The following KAT6A variants were observed in gnomAD, a reference collection of about 807,000 sequenced individuals.
The protein encoded by KAT6A is lysine acetyltransferase 6A, also known as histone acetyltransferase KAT6A.
Under a neutral mutation model 198.4 loss-of-function variants are expected in KAT6A, and 9 were observed. That is an observed-to-expected ratio of 0.05 (90% CI 0.03 to 0.08). The LOEUF is 0.08. KAT6A is among the 10% of genes least tolerant of loss of function. The probability of loss-of-function intolerance (pLI) is 1.00; values close to 1 mark genes in which losing one functional copy is unlikely to be tolerated. For missense variants in KAT6A, 2,077 were observed against 2,509.9 expected, an observed-to-expected ratio of 0.83 and a Z score of 3.69; for synonymous variants, 890 against 883.0, an observed-to-expected ratio of 1.01 and a Z score of -0.14.
Position 41,942,843 on chromosome 8 carries a change from C to T in KAT6A, c.2386G>A (p.Glu796Lys). The change falls in exon 14 of 17, where the codon GAA becomes AAA. Residue 796 changes from glutamate to lysine, a missense_variant. Transcript: ENST00000265713. ...CACTGTGGCTCTTCGTTTTCTCCTT[C>T]CTCAGCCTCCTCTTCTTCCTCCTCT... ...VSEEEEEEAE[E>K]GENEEPQCQE... 1.9e-6 allele frequency: 3 copies of T among 1,614,144 alleles called. No homozygotes were observed. Among genetic ancestry groups the T allele is most frequent in the South Asian group, 1.1e-5 (1 of 91,086 alleles).
At position 41,932,066 on chromosome 8, in the gene KAT6A, T is replaced by A. The variant is rs1821574645; in HGVS notation, c.*139A>T. ...AGAGAAGATCAGGTTTTCTAAAAAATAAAATAAACCAAAGAAAAATTCCTC... is the reference window on the plus strand; with the variant it reads ...AGAGAAGATCAGGTTTTCTAAAAAAAAAAATAAACCAAAGAAAAATTCCTC... On this transcript the variant is annotated 3_prime_UTR_variant, in exon 17 of 17. Coordinates refer to ENST00000265713, the MANE Select transcript of KAT6A (RefSeq NM_006766.5). The A allele has an allele frequency of 1.1e-6, 1 of 879,586 alleles. No homozygotes were observed. Among genetic ancestry groups the A allele is most frequent in the Non-Finnish European group, 1.5e-6 (1 of 655,684 alleles). The allele number at this position is 879,586 out of a possible 1,614,324, so 54.5% of individuals were successfully genotyped here.
At position 41,940,968 on chromosome 8, in the gene KAT6A, A is replaced by T; in HGVS notation, c.2913T>A (p.Arg971=). The T allele has an allele frequency of 2.5e-6, 4 of 1,614,086 alleles. No homozygotes were observed. The South Asian group carries it at 4.4e-5, about 18-fold the overall frequency. Residue 971 remains arginine (R), a synonymous_variant, in exon 15 of 17, where the codon CGT becomes CGA. Transcript: ENST00000265713. ...RLTEGSERLP[R]RYSEGDRAVL... ...CAGCCCTGTCACCCTCACTGTAGCG[A>T]CGGGGCAGCCTCTCACTTCCTTCTG...
At chr8:41,976,169 C>T (rs1824040376) in intron 7 of KAT6A, among the ~76,000 whole-genome samples, 1 of 152,194 alleles carries the variant, frequency 6.6e-6, no homozygotes, top group African/African-American at 2.4e-5. Flanking sequence ...ACCAAGGAGA[C>T]ATTCAGGGAG....
chr8:41,943,689 A>G, intron 13 of KAT6A, 59 bp downstream of exon 13: 1 of 1,164,954 alleles, frequency 8.6e-7, no homozygotes. Context: ...TGACTGGCTG[A>G]TCCAAAAAAC....
At chr8:41,989,861 T>C (rs1189750798) in intron 2 of KAT6A, among the ~76,000 whole-genome samples, 1 of 152,056 alleles carries the variant, frequency 6.6e-6, no homozygotes, top group African/African-American at 2.4e-5. Flanking sequence ...AACACCAATA[T>C]CAAAACATCC....
chr8:42,026,101 TTC>T (rs1826799225), intron 2 of KAT6A, among the ~76,000 whole-genome samples: 1 of 152,190 alleles, frequency 6.6e-6, no homozygotes, highest in Admixed American at 6.5e-5. Flanking sequence ...ATGGATTTAT[TTC>T]TGAGTTCTCT....
At chr8:42,041,509 G>A (rs1219548396) in intron 2 of KAT6A, among the ~76,000 whole-genome samples, 1 of 152,170 alleles carries the variant, frequency 6.6e-6, no homozygotes, top group South Asian at 2.1e-4. Context: ...GGCGGAGGTG[G>A]GCGGATCACC....
At chr8:42,030,115 G>C (rs1384445036) in intron 2 of KAT6A, among the ~76,000 whole-genome samples, 1 of 152,174 alleles carries the variant, frequency 6.6e-6, no homozygotes, top group African/African-American at 2.4e-5. Context: ...TGGTCTAATA[G>C]GGGCTGGACT....
chr8:42,026,801 G>A (rs1017164409), intron 2 of KAT6A, among the ~76,000 whole-genome samples: 2 of 151,922 alleles, frequency 1.3e-5, no homozygotes, highest in East Asian at 1.9e-4. Flanking sequence ...CCAGTACTAC[G>A]CTGAATACGA....
Position 42,007,931 on chromosome 8 carries a change from C to T in KAT6A, c.601-20368G>A, listed in dbSNP as rs566025914. On this transcript the variant is annotated intron_variant, in intron 2 of 16. Coordinates refer to ENST00000265713, the MANE Select transcript of KAT6A (RefSeq NM_006766.5). ...GAGCTGAGATCGTGCCACTGTACTC[C>T]AGCCTGGGCGACAGAGCGAGACTCC... is the stretch of plus-strand genomic sequence containing the variant. Among the ~76,000 whole-genome samples the T allele has an allele frequency of 3.1e-5, 4 of 128,990 alleles. No individual in the cohort carries two copies. In the East Asian group the frequency reaches 8.8e-4, roughly 28 times the overall value. The allele number at this position is 128,990 out of a possible 152,430, so 84.6% of individuals were successfully genotyped here.
At chr8:42,020,860 C>G (rs1826494925) in intron 2 of KAT6A, among the ~76,000 whole-genome samples, 1 of 152,118 alleles carries the variant, frequency 6.6e-6, no homozygotes, top group Non-Finnish European at 1.5e-5. Context: ...TAGTTTCATT[C>G]CTAATATGAA....
intron 2 of KAT6A, among the ~76,000 whole-genome samples, chr8:42,037,956 G>T (rs778928015): frequency 2.0e-5 from 3 of 152,136 alleles, no homozygotes; most frequent in Non-Finnish European, 4.4e-5. Context: ...CTGTTTACAA[G>T]TAACATTACA....
At chr8:42,023,827 CAAAAAAA>C (rs200728544) in intron 2 of KAT6A, among the ~76,000 whole-genome samples, 11 of 123,056 alleles carry the variant, frequency 8.9e-5, no homozygotes, top group Non-Finnish European at 1.8e-4. Context: ...TTTCTCTATC[CAAAAAAA>C]AAAAAAAAAA....
chr8:42,022,301 A>G (rs1003974195), intron 2 of KAT6A, among the ~76,000 whole-genome samples: 1 of 152,172 alleles, frequency 6.6e-6, no homozygotes, highest in Non-Finnish European at 1.5e-5. Flanking sequence ...TAAGGTTAAC[A>G]GAAATTTATC....
At chr8:42,045,574 A>C (rs548849140) in intron 2 of KAT6A, among the ~76,000 whole-genome samples, 7 of 151,916 alleles carry the variant, frequency 4.6e-5, no homozygotes, top group East Asian at 3.9e-4. Flanking sequence ...AAAAAAAAAA[A>C]AAAACAAAAA....
intron 2 of KAT6A, among the ~76,000 whole-genome samples, chr8:42,031,008 A>G (rs1393345948): frequency 7.6e-6 from 1 of 130,894 alleles, no homozygotes; most frequent in African/African-American, 2.9e-5. Context: ...AGAGTATGTT[A>G]AGGTATGCTG....
At chr8:41,986,574 G>A (rs1824614174) in intron 3 of KAT6A, among the ~76,000 whole-genome samples, 1 of 151,952 alleles carries the variant, frequency 6.6e-6, no homozygotes, top group South Asian at 2.1e-4. Flanking sequence ...CCCACAGAAA[G>A]TGTTTTATAT....
intron 2 of KAT6A, among the ~76,000 whole-genome samples, chr8:42,012,237 A>G (rs1826055515): frequency 6.6e-6 from 1 of 152,214 alleles, no homozygotes; most frequent in Non-Finnish European, 1.5e-5. Context: ...ACAACCCAGC[A>G]ACACACCTCC....
At chr8:41,966,378 T>G (rs1823491206) in intron 8 of KAT6A, among the ~76,000 whole-genome samples, 1 of 152,034 alleles carries the variant, frequency 6.6e-6, no homozygotes, top group Non-Finnish European at 1.5e-5. Flanking sequence ...CAATAAGAGA[T>G]TTAGAGAGAG....
Sources: gnomAD v4.1 joint callset for allele counts (sites outside exome capture counted in the v4.1 genomes callset) on GRCh38, gnomAD v4.1.1 for gene constraint, MANE v1.5 for transcripts, NCBI Gene and HGNC (gene_info 2026-07-23, HGNC 2026-07-21) for gene names.